The following NCKAP5 variants were observed in gnomAD, a reference collection of about 807,000 sequenced individuals.
NCKAP5 encodes NCK associated protein 5.
NCKAP5 carries 92 observed loss-of-function variants against 167.0 expected under a neutral mutation model. The observed-to-expected ratio is 0.55, with a 90% CI of 0.47 to 0.66. The LOEUF (loss-of-function observed/expected upper bound fraction) is 0.66. Ranked by LOEUF, NCKAP5 falls within the 30% of genes least tolerant of loss-of-function variation. The pLI is 0.00. For synonymous variants in NCKAP5, 891 were observed against 877.4 expected (o/e 1.02, Z -0.27); for missense variants, 2,378 against 2,315.0 (o/e 1.03, Z -0.56).
chr2:133,437,943 A>AAAT (rs138766807), intron 3 of NCKAP5, among the ~76,000 whole-genome samples: 34,616 of 152,090 alleles, frequency 0.23, 4,126 homozygotes, highest in African/African-American at 0.28. Context: ...TTGAACTTAC[A>AAAT]AATATTTCAT....
chr2:132,940,637 G>A (rs753490443), intron 8 of NCKAP5, among the ~76,000 whole-genome samples: 18 of 152,058 alleles, frequency 1.2e-4, no homozygotes, highest in South Asian at 2.1e-4. Flanking sequence ...TTGAAATGAC[G>A]GTAGGAATCA....
chr2:132,711,825 T>C (rs1688871223), intron 19 of NCKAP5, among the ~76,000 whole-genome samples: 1 of 152,156 alleles, frequency 6.6e-6, no homozygotes, highest in Non-Finnish European at 1.5e-5. Flanking sequence ...CCTGCCTCCC[T>C]TCCTTCCTTC....
chr2:133,125,325 C>T (rs2082369384), intron 6 of NCKAP5, among the ~76,000 whole-genome samples: 1 of 151,206 alleles, frequency 6.6e-6, no homozygotes, highest in Non-Finnish European at 1.5e-5. Flanking sequence ...CTAACTGATA[C>T]ACAAACACTT....
At chr2:133,606,139 C>CAA in the NCKAP5 span, among the ~76,000 whole-genome samples, 3 of 151,820 alleles carry the variant, frequency 2.0e-5, no homozygotes, top group South Asian at 4.2e-4. Context: ...AATAGAACTT[C>CAA]AAAAAAAATT....
In NCKAP5 at chr2:132,674,301, A is replaced by G. The variant is rs576970536; in HGVS notation, c.5714-996T>C. Among the ~76,000 whole-genome samples, 24 of 152,330 alleles carry G rather than the reference A, an allele frequency of 1.6e-4. No homozygotes were observed. In the South Asian group the frequency reaches 4.8e-3, roughly 30 times the overall value. On this transcript the variant is annotated intron_variant, in intron 19 of 19. Transcript: ENST00000409261. ...ATTCTATCAGCTTTTTCACAAACCTACAAGGTAAACGACCCCATTTTAAAG... is the reference window on the plus strand; with the variant it reads ...ATTCTATCAGCTTTTTCACAAACCTGCAAGGTAAACGACCCCATTTTAAAG...
At chr2:133,165,762 G>T (rs1198425884) in intron 5 of NCKAP5, among the ~76,000 whole-genome samples, 1 of 152,116 alleles carries the variant, frequency 6.6e-6, no homozygotes, top group Non-Finnish European at 1.5e-5. Context: ...CAGGTCATTT[G>T]CTGGCTACTA....
chr2:133,668,540 T>C, the NCKAP5 span, among the ~76,000 whole-genome samples: 2 of 152,024 alleles, frequency 1.3e-5, no homozygotes, highest in Admixed American at 6.6e-5. Context: ...TAATAACTAA[T>C]AATGTTGAGC....
intron 3 of NCKAP5, among the ~76,000 whole-genome samples, chr2:133,513,626 A>C (rs916158251): frequency 6.6e-6 from 1 of 152,186 alleles, no homozygotes; most frequent in Non-Finnish European, 1.5e-5. Context: ...ATTTGGATAC[A>C]AACAGTCAAG....
In NCKAP5 at chr2:132,873,146, C is replaced by G. The variant is rs186071553; in HGVS notation, c.649-4172G>C. The stretch of plus-strand genomic sequence containing the variant: ...TGAGACAGAGTCTCACTTTGTCACC[C>G]AGGCTGGAGTGCAGTAGCACGATCT... On this transcript the variant is annotated intron_variant, in intron 9 of 19. Transcript: ENST00000409261. Among the ~76,000 whole-genome samples, 300 of 152,318 alleles carry G rather than the reference C, an allele frequency of 2.0e-3. 1 individual carries two copies. Among genetic ancestry groups the G allele is most frequent in the Middle Eastern group, 6.8e-3 (2 of 292 alleles).
At chr2:133,263,184 G>A (rs1263287317) in intron 4 of NCKAP5, among the ~76,000 whole-genome samples, 1 of 151,696 alleles carries the variant, frequency 6.6e-6, no homozygotes, top group African/African-American at 2.4e-5. Flanking sequence ...TAGAGATTTA[G>A]GTTAGCTCTA....
chr2:132,847,873 C>T (rs1688785601), intron 11 of NCKAP5, among the ~76,000 whole-genome samples: 1 of 152,104 alleles, frequency 6.6e-6, no homozygotes, highest in African/African-American at 2.4e-5. Context: ...TCTGTGGTTG[C>T]CTGGGGCTGA....
chr2:133,332,855 T>C (rs1428287202), intron 3 of NCKAP5, among the ~76,000 whole-genome samples: 3 of 152,260 alleles, frequency 2.0e-5, no homozygotes, highest in Non-Finnish European at 4.4e-5. Context: ...TGAGACAGCA[T>C]GTCAATACCC....
At chr2:133,107,736 G>A (rs1232753846) in intron 6 of NCKAP5, among the ~76,000 whole-genome samples, 2 of 152,052 alleles carry the variant, frequency 1.3e-5, no homozygotes, top group Non-Finnish European at 2.9e-5. Context: ...ATCTGGTAGG[G>A]GAAAATAGAC....
chr2:132,826,657 C>T (rs775954389), intron 11 of NCKAP5, among the ~76,000 whole-genome samples: 3 of 152,120 alleles, frequency 2.0e-5, no homozygotes, highest in Admixed American at 6.5e-5. Context: ...CTCACATTTG[C>T]TACAGAAGGA....
intron 8 of NCKAP5, among the ~76,000 whole-genome samples, chr2:132,889,704 T>C (rs1166781660): frequency 6.6e-6 from 1 of 152,202 alleles, no homozygotes; most frequent in East Asian, 1.9e-4. Flanking sequence ...ACACCTGACT[T>C]GTATTCAAAA....
intron 6 of NCKAP5, among the ~76,000 whole-genome samples, chr2:133,115,775 GTATATATATATATATATA>G (rs10683280): frequency 0.077 from 7,290 of 94,312 alleles, 391 homozygotes; most frequent in East Asian, 0.19. Context: ...ATGTGTGTGT[GTATATATATATATATATA>G]TATATATATA....
In NCKAP5 at chr2:132,861,179, T is replaced by G. The variant is rs557221874; in HGVS notation, c.688-568A>C. Among the ~76,000 whole-genome samples the G allele has an allele frequency of 2.3e-3, 344 of 152,276 alleles. 1 individual carries two copies. The highest frequency in any genetic ancestry group is 3.2e-3 in the Non-Finnish European group (215 of 68,036). On this transcript the variant is annotated intron_variant, in intron 10 of 19. Transcript: ENST00000409261. Reference sequence around the variant, plus strand: ...GCCACTTGCCCATCCTCTGAACTCATGGATTTCCATACCTTCTGGGGCTTT... The same window carrying G: ...GCCACTTGCCCATCCTCTGAACTCAGGGATTTCCATACCTTCTGGGGCTTT...
chr2:132,948,999 G>T (rs1010203320), intron 8 of NCKAP5, among the ~76,000 whole-genome samples: 2 of 109,882 alleles, frequency 1.8e-5, no homozygotes, highest in African/African-American at 4.4e-5. Flanking sequence ...AAGATCCAGA[G>T]AAATGAAAAG....
At chr2:133,267,342 GAACTA>G (rs2089291797) in intron 4 of NCKAP5, 1 of 152,222 alleles carries the variant, frequency 6.6e-6, no homozygotes, top group African/African-American at 2.4e-5. Context: ...GTCTGCTAAT[GAACTA>G]AACAAACAGG....
Sources: gnomAD v4.1 joint callset for allele counts (sites outside exome capture counted in the v4.1 genomes callset) on GRCh38, gnomAD v4.1.1 for gene constraint, MANE v1.5 for transcripts, NCBI Gene and HGNC (gene_info 2026-07-23, HGNC 2026-07-21) for gene names.